The following XKR9 variants were observed in gnomAD, a reference collection of about 807,000 sequenced individuals.
The protein encoded by XKR9 is XK related 9.
A neutral mutation model predicts 32.0 loss-of-function variants in XKR9; 32 were observed. The ratio of observed to expected loss-of-function variants is 1.00; its 90% CI spans 0.76 to 1.34. The LOEUF (loss-of-function observed/expected upper bound fraction) is 1.34. XKR9 is among the 40% of genes most tolerant of loss of function. The probability of loss-of-function intolerance (pLI) is 0.00; values close to 1 mark genes in which losing one functional copy is unlikely to be tolerated. For missense variants in XKR9, 546 were observed against 429.7 expected (o/e 1.27, Z -2.39); for synonymous variants, 168 against 143.4 (o/e 1.17, Z -1.22).
intron 4 of XKR9, among the ~76,000 whole-genome samples, chr8:70,733,318 C>T: frequency 6.6e-6 from 1 of 151,808 alleles, no homozygotes; most frequent in Non-Finnish European, 1.5e-5. Context: ...TCTCTCTCTA[C>T]CCCTCCTCCT....
chr8:70,929,730 G>C, the XKR9 span, among the ~76,000 whole-genome samples: 1 of 152,092 alleles, frequency 6.6e-6, no homozygotes, highest in Admixed American at 6.5e-5. Context: ...AATGGTCATC[G>C]AGTCCCTCTG....
At chr8:70,950,667 T>A in the XKR9 span, among the ~76,000 whole-genome samples, 1 of 134,996 alleles carries the variant, frequency 7.4e-6, no homozygotes, top group African/African-American at 2.5e-5. Context: ...TCCTTTTCTT[T>A]TTCTATTCTT....
At chr8:70,860,827 G>A in the XKR9 span, among the ~76,000 whole-genome samples, 1 of 151,974 alleles carries the variant, frequency 6.6e-6, no homozygotes, top group African/African-American at 2.4e-5. Flanking sequence ...TGTGCAAATT[G>A]CCAACTACTC....
intron 2 of XKR9, among the ~76,000 whole-genome samples, chr8:70,766,103 C>T (rs1443077522): frequency 6.6e-6 from 1 of 152,024 alleles, no homozygotes; most frequent in Non-Finnish European, 1.5e-5. Flanking sequence ...TTTTTGGTTC[C>T]ATATGAGACT....
At chr8:70,692,426 A>G (rs566045573) in intron 3 of XKR9, among the ~76,000 whole-genome samples, 6 of 151,634 alleles carry the variant, frequency 4.0e-5, no homozygotes, top group Middle Eastern at 3.4e-3. Flanking sequence ...CTCTTGACTC[A>G]TGGCTCTGGC....
At chr8:70,997,288 A>G in the XKR9 span, among the ~76,000 whole-genome samples, 1 of 150,214 alleles carries the variant, frequency 6.7e-6, no homozygotes, top group African/African-American at 2.5e-5. Flanking sequence ...CAAGGGTGAG[A>G]CTCCATCTCA....
the XKR9 span, among the ~76,000 whole-genome samples, chr8:70,846,816 C>T: frequency 6.6e-6 from 1 of 151,846 alleles, no homozygotes; most frequent in South Asian, 2.1e-4. Flanking sequence ...AATATATATG[C>T]ACTTAATACC....
At chr8:70,817,777 A>G in the XKR9 span, among the ~76,000 whole-genome samples, 3 of 152,300 alleles carry the variant, frequency 2.0e-5, no homozygotes, top group Non-Finnish European at 4.4e-5. Flanking sequence ...ATAGACCAAT[A>G]TAACAGAAAA....
chr8:71,023,222 A>G, the XKR9 span, among the ~76,000 whole-genome samples: 2 of 152,048 alleles, frequency 1.3e-5, no homozygotes, highest in South Asian at 2.1e-4. Flanking sequence ...CACATCTGGT[A>G]TAATAGTTGT....
rs562021304 is a variant in XKR9, at chr8:70,700,449, C to G, written c.273-6484C>G. On this transcript the variant is annotated intron_variant, in intron 3 of 4. Coordinates refer to ENST00000408926, the MANE Select transcript of XKR9 (RefSeq NM_001011720.2). ...TGTTGGAGTTTGCTAGAGGTCCACT[C>G]CAGAACCTGTTTGCCTGGGTATCAG... Among the ~76,000 whole-genome samples the G allele has an allele frequency of 7.2e-5, 11 of 152,304 alleles. No individual in the cohort carries two copies. In the East Asian group the frequency reaches 1.7e-3, roughly 24 times the overall value.
At chr8:70,810,716 G>A in the XKR9 span, among the ~76,000 whole-genome samples, 4 of 152,108 alleles carry the variant, frequency 2.6e-5, no homozygotes, top group Non-Finnish European at 5.9e-5. Context: ...ATGGTAAAGG[G>A]ATCAATTCAA....
chr8:70,957,365 C>CT, the XKR9 span, among the ~76,000 whole-genome samples: 3 of 151,898 alleles, frequency 2.0e-5, no homozygotes, highest in Non-Finnish European at 2.9e-5. Context: ...GGCAGTTAAT[C>CT]TTTTTTTTAA....
At chr8:71,023,736 G>A in the XKR9 span, among the ~76,000 whole-genome samples, 1 of 152,206 alleles carries the variant, frequency 6.6e-6, no homozygotes, top group Non-Finnish European at 1.5e-5. Flanking sequence ...ACTTGCTGGT[G>A]TTGGTGGTAG....
chr8:70,733,672 A>G, intron 4 of XKR9, 124 bp from the exon 5 acceptor site: 5 of 919,496 alleles, frequency 5.4e-6, no homozygotes, highest in Non-Finnish European at 7.4e-6. Flanking sequence ...AGATTAGATG[A>G]GAAGAGTAAA....
chr8:70,963,614 A>G, the XKR9 span, among the ~76,000 whole-genome samples: 1 of 152,154 alleles, frequency 6.6e-6, no homozygotes, highest in Non-Finnish European at 1.5e-5. Flanking sequence ...TTTCTCCACA[A>G]CCTCATCAGC....
At chr8:70,962,958 CT>C in the XKR9 span, among the ~76,000 whole-genome samples, 1 of 151,610 alleles carries the variant, frequency 6.6e-6, no homozygotes, top group South Asian at 2.1e-4. Flanking sequence ...AGTACAATTT[CT>C]TTTTTTTTCT....
the XKR9 span, among the ~76,000 whole-genome samples, chr8:70,824,724 A>AG: frequency 6.6e-6 from 1 of 152,062 alleles, no homozygotes; most frequent in Non-Finnish European, 1.5e-5. Context: ...TTACCCTAGG[A>AG]ACATTGGGAA....
the XKR9 span, among the ~76,000 whole-genome samples, chr8:70,961,039 G>A: frequency 6.6e-6 from 1 of 152,108 alleles, no homozygotes; most frequent in Non-Finnish European, 1.5e-5. Flanking sequence ...GTACGACAGT[G>A]CATGCCTGTA....
the XKR9 span, among the ~76,000 whole-genome samples, chr8:70,796,177 T>A: frequency 6.6e-6 from 1 of 152,072 alleles, no homozygotes; most frequent in Admixed American, 6.6e-5. Flanking sequence ...ATAAGCATAG[T>A]ACAAGAAGTA....
Sources: gnomAD v4.1 joint callset for allele counts (sites outside exome capture counted in the v4.1 genomes callset) on GRCh38, gnomAD v4.1.1 for gene constraint, MANE v1.5 for transcripts, NCBI Gene and HGNC (gene_info 2026-07-23, HGNC 2026-07-21) for gene names.